Variants in ENOSF1 observed in about 807,000 individuals in gnomAD.
The protein encoded by ENOSF1 is mitochondrial enolase superfamily member 1.
In ENOSF1, 73 loss-of-function variants were observed where a neutral mutation model predicts 68.2. The observed-to-expected ratio is 1.07, with a 90% CI of 0.89 to 1.30. The LOEUF (loss-of-function observed/expected upper bound fraction) is 1.30, where lower values mean the gene tolerates loss of function less well. Ranked by LOEUF, ENOSF1 falls within the 50% of genes most tolerant of loss-of-function variation. The pLI is 0.00. For missense variants in ENOSF1, 589 were observed against 554.5 expected (o/e 1.06, Z -0.62); for synonymous variants, 223 against 210.4 (o/e 1.06, Z -0.52).
chr18:697,347 C>G lies in ENOSF1; in HGVS notation c.202G>C (p.Ala68Pro). 1.2e-6 allele frequency: 2 copies of G among 1,611,180 alleles called. No individual in the cohort carries two copies. Among genetic ancestry groups the G allele is most frequent in the Non-Finnish European group, 1.7e-6 (2 of 1,178,720 alleles). The change falls in exon 3 of 16, where the codon GCT (alanine) becomes CCT (proline). Residue 68 changes from alanine to proline, a missense_variant. Transcript: ENST00000647584. ...ACATGGTGGGCGAGGGCATTCACAG[C>G]ACAGACAACTATTTAAAAAGGATTG... ...LGKGTEVVVC[A>P]VNALAHHVLN...
chr18:694,347 C>T lies in ENOSF1; in HGVS notation c.310-13G>A. 6.2e-7 allele frequency: 1 copy of T among 1,613,556 alleles called. No individual in the cohort carries two copies. Among genetic ancestry groups the T allele is most frequent in the Non-Finnish European group, 8.5e-7 (1 of 1,179,692 alleles). ...TTTCTGGACCAATCTGGTTAGGAAG[C>T]AAAGTACAAAAGCACTTTTTAGAAA... is the stretch of plus-strand genomic sequence containing the variant. On this transcript the variant is annotated splice_polypyrimidine_tract_variant and intron_variant, in intron 3 of 15. Transcript: ENST00000647584.
In ENOSF1 at chr18:690,992, T is replaced by G. The variant is rs895558954; in HGVS notation, c.535+76A>C. ...ACAGGGCATTTGGGAAGACAATGTG[T>G]ACCCCAAAAGGACAGGGGCACTCAA... On this transcript the variant is annotated intron_variant, in intron 7 of 15. Transcript: ENST00000647584. 3.3e-6 allele frequency: 5 copies of G among 1,506,596 alleles called. No homozygotes were observed. The African/African-American group carries it at 6.9e-5, about 21-fold the overall frequency. 93.3% of individuals were successfully genotyped at this position (1,506,596 alleles called of 1,614,324 possible).
intron 9 of ENOSF1, 39 bp downstream of exon 9, chr18:688,535 G>A (rs752800293): frequency 1.2e-6 from 2 of 1,613,684 alleles, no homozygotes; most frequent in Non-Finnish European, 1.7e-6. Flanking sequence ...AGTCTCTCCT[G>A]CCGCCAACTG....
chr18:674,477 C>G (rs951408680), intron 15 of ENOSF1, 71 bp from the exon 16 acceptor site: 1 of 962,332 alleles, frequency 1.0e-6, no homozygotes, highest in African/African-American at 1.7e-5. Flanking sequence ...TGCATTTATG[C>G]TGCTCCAAGA....
intron 9 of ENOSF1, chr18:688,373 C>T: frequency 1.7e-6 from 1 of 582,458 alleles, no homozygotes; most frequent in South Asian, 2.1e-5. Flanking sequence ...CTCTGATGGC[C>T]TATAATTCTA....
chr18:679,269 G>A (rs1025368833), intron 11 of ENOSF1, among the ~76,000 whole-genome samples: 4 of 149,556 alleles, frequency 2.7e-5, no homozygotes, highest in Non-Finnish European at 4.4e-5. Flanking sequence ...GAGTGCAGTG[G>A]CATGATCTTA....
Position 690,576 on chromosome 18 carries a change from C to A in ENOSF1, c.591G>T (p.Leu197=), listed in dbSNP as rs756997959. The change falls in exon 8 of 16, where the codon CTG becomes CTT. Residue 197 remains leucine (L), a synonymous_variant. Transcript: ENST00000647584. Reference sequence around the variant, plus strand: ...GCTTCAACGTGTCATCTGAGTACCCCAGCCAGGCGCACGATGTCGTGTAAG... The same window carrying A: ...GCTTCAACGTGTCATCTGAGTACCCAAGCCAGGCGCACGATGTCGTGTAAG... ...YPAYTTSCAW[L]GYSDDTLKQL... is the part of the protein sequence containing the mutation. 8 of 1,614,118 alleles carry A rather than the reference C, an allele frequency of 5.0e-6. No homozygotes were observed. Among genetic ancestry groups the A allele is most frequent in the East Asian group, 2.2e-5 (1 of 44,764 alleles).
At chr18:691,681 C>T (rs2077189266) in intron 5 of ENOSF1, 2 of 175,312 alleles carry the variant, frequency 1.1e-5, no homozygotes, top group Non-Finnish European at 2.4e-5. Flanking sequence ...TCATTCTTTC[C>T]TGGCAGGGAC....
chr18:675,178 CA>C (rs1438696269), intron 15 of ENOSF1, 142 bp downstream of exon 15: 10 of 691,176 alleles, frequency 1.4e-5, no homozygotes, highest in African/African-American at 3.5e-5. Flanking sequence ...GATTTTGATA[CA>C]GACAAACTGA....
At chr18:666,222 T>C (rs938218112), downstream of ENOSF1, among the ~76,000 whole-genome samples, 4 of 151,454 alleles carry the variant, frequency 2.6e-5, no homozygotes, top group African/African-American at 9.8e-5. Flanking sequence ...CATCGGCAGA[T>C]AGCTGCATGG....
chr18:699,352 C>G (rs1008871783), intron 2 of ENOSF1, among the ~76,000 whole-genome samples: 1 of 151,986 alleles, frequency 6.6e-6, no homozygotes, highest in Admixed American at 6.6e-5. Context: ...CCCCGCCTCT[C>G]GGGAGGCTGA....
At chr18:689,882 C>T (rs1361582541) in intron 8 of ENOSF1, among the ~76,000 whole-genome samples, 4 of 150,774 alleles carry the variant, frequency 2.7e-5, no homozygotes, top group Non-Finnish European at 5.9e-5. Context: ...AGCCTATTCC[C>T]AGATAGCTGG....
rs1421975400 is a variant in ENOSF1, at chr18:673,912, G to A, written c.*393C>T. On this transcript the variant is annotated 3_prime_UTR_variant, in exon 16 of 16. Transcript: ENST00000647584. ...CCTTCGTTGCATACCAGATACCCCC[G>A]GTGTTGCACGACTATTTTTATTCTG... 6.5e-6 allele frequency: 1 copy of A among 154,696 alleles called. No homozygotes were observed. The highest frequency in any genetic ancestry group is 1.4e-5 in the Non-Finnish European group (1 of 70,284). The allele number at this position is 154,696 out of a possible 1,614,324, so 9.6% of individuals were successfully genotyped here. A position where few individuals can be genotyped will look rare whatever the true frequency, so the allele number is the denominator to read the frequency against.
chr18:674,779 CA>C (rs2075306699), intron 15 of ENOSF1, among the ~76,000 whole-genome samples: 1 of 152,222 alleles, frequency 6.6e-6, no homozygotes, highest in Admixed American at 6.5e-5. Context: ...CTCAGCCTCC[CA>C]AAGTGTTGGG....
Position 671,605 on chromosome 18 carries a change from A to C in ENOSF1, c.*2700T>G, listed in dbSNP as rs546919650. On this transcript the variant is annotated 3_prime_UTR_variant, in exon 16 of 16. Coordinates refer to ENST00000647584, the MANE Select transcript of ENOSF1 (RefSeq NM_017512.7). ...AGGGAGAAGTGGTGGGCAGGTGGGC[A>C]GGACAAGGCAGGCATCTGCCTCAGC... The C allele has an allele frequency of 1.5e-6, 1 of 659,808 alleles. No individual in the cohort carries two copies. Among genetic ancestry groups the C allele is most frequent in the East Asian group, 2.7e-5 (1 of 36,518 alleles). 40.9% of individuals were successfully genotyped at this position (659,808 alleles called of 1,614,324 possible). A position where few individuals can be genotyped will look rare whatever the true frequency, so the allele number is the denominator to read the frequency against.
Position 683,391 on chromosome 18 carries a change from A to G in ENOSF1, c.742-11T>C. On this transcript the variant is annotated splice_polypyrimidine_tract_variant and intron_variant, in intron 10 of 15. Transcript: ENST00000647584. ...GTTGGCATCCATCATCTGCAAAAAG[A>G]GACTCTTCACAGGGAGGTCAGCCCT... is the stretch of plus-strand genomic sequence containing the variant. 6.2e-7 allele frequency: 1 copy of G among 1,613,972 alleles called. No individual in the cohort carries two copies. Among genetic ancestry groups the G allele is most frequent in the Non-Finnish European group, 8.5e-7 (1 of 1,179,966 alleles).
At chr18:703,322 C>T (rs754814837) in intron 2 of ENOSF1, among the ~76,000 whole-genome samples, 3 of 152,112 alleles carry the variant, frequency 2.0e-5, no homozygotes, top group Admixed American at 6.6e-5. Flanking sequence ...GGCCCCTCCA[C>T]GTGTGCCCAA....
At chr18:695,043 T>G (rs559077825) in intron 3 of ENOSF1, among the ~76,000 whole-genome samples, 6 of 152,344 alleles carry the variant, frequency 3.9e-5, no homozygotes, top group African/African-American at 1.2e-4. Context: ...TAAAGGCCAG[T>G]CCATAATCAA....
At chr18:707,022 T>C (rs374204246) in intron 1 of ENOSF1, among the ~76,000 whole-genome samples, 13 of 152,016 alleles carry the variant, frequency 8.6e-5, no homozygotes, top group African/African-American at 2.9e-4. Context: ...TTTCACCATG[T>C]TGGCCAGGCT....
Sources: allele counts gnomAD v4.1 joint callset (sites outside exome capture counted in the v4.1 genomes callset), GRCh38; gene constraint gnomAD v4.1.1; transcripts MANE v1.5; gene names NCBI Gene and HGNC (gene_info 2026-07-23, HGNC 2026-07-21).